The following IMMP2L variants were observed in gnomAD, a reference collection of about 807,000 sequenced individuals.
IMMP2L encodes the protein inner mitochondrial membrane peptidase subunit 2, also known as mitochondrial inner membrane protease subunit 2.
A neutral mutation model predicts 19.3 loss-of-function variants in IMMP2L; 18 were observed. The observed-to-expected ratio is 0.93, with a 90% CI of 0.64 to 1.38. The LOEUF (loss-of-function observed/expected upper bound fraction) is 1.38. Ranked by LOEUF, IMMP2L falls within the 40% of genes most tolerant of loss-of-function variation. IMMP2L has a pLI of 0.00. For missense variants in IMMP2L, 233 were observed against 218.2 expected, an observed-to-expected ratio of 1.07 and a Z score of -0.43; for synonymous variants, 76 against 73.0, an observed-to-expected ratio of 1.04 and a Z score of -0.21.
Position 111,000,903 on chromosome 7 carries a change from T to A in IMMP2L, c.240-37338A>T, listed in dbSNP as rs115228508. 9.9e-3 allele frequency among the ~76,000 whole-genome samples: 1,495 copies of A among 151,008 alleles called. 20 individuals carry two copies. Among genetic ancestry groups the A allele is most frequent in the African/African-American group, 0.033 (1,381 of 41,268 alleles). On this transcript the variant is annotated intron_variant, in intron 3 of 5. Transcript: ENST00000405709. ...TATGGTAGGCCGAAAATATGGAAAT[T>A]CCACCAATATTTTGACATTCTTGTT...
chr7:111,102,818 T>C (rs2129580508), intron 3 of IMMP2L, among the ~76,000 whole-genome samples: 1 of 151,630 alleles, frequency 6.6e-6, no homozygotes, highest in African/African-American at 2.4e-5. Context: ...TTTGCTAGGG[T>C]CATAAAAGAC....
rs570766793 is a variant in IMMP2L, at chr7:111,475,571, G to A, written c.239+11667C>T. 6.6e-5 allele frequency among the ~76,000 whole-genome samples: 10 copies of A among 152,046 alleles called. No individual in the cohort carries two copies. The East Asian group carries it at 1.2e-3, about 18-fold the overall frequency. On this transcript the variant is annotated intron_variant, in intron 3 of 5. Coordinates refer to ENST00000405709, the MANE Select transcript of IMMP2L (RefSeq NM_032549.4). ...GTATCTTTATTTAGCAAGAACCAGC[G>A]GACACTGTGTTTACCAGTGGGAAAC...
intron 3 of IMMP2L, among the ~76,000 whole-genome samples, chr7:111,426,315 G>A (rs1836068816): frequency 6.6e-6 from 1 of 150,670 alleles, no homozygotes; most frequent in African/African-American, 2.5e-5. Flanking sequence ...TATAATTTAG[G>A]TTTTGCTTAT....
intron 3 of IMMP2L, among the ~76,000 whole-genome samples, chr7:111,476,453 T>G (rs1433915211): frequency 1.3e-5 from 2 of 152,192 alleles, no homozygotes; most frequent in African/African-American, 4.8e-5. Context: ...CTATTGGCAC[T>G]GTAACAAATT....
intron 3 of IMMP2L, among the ~76,000 whole-genome samples, chr7:111,155,611 C>T (rs903225878): frequency 1.3e-5 from 2 of 151,220 alleles, no homozygotes; most frequent in African/African-American, 4.9e-5. Flanking sequence ...TATATAATTG[C>T]ACATAAATTT....
At chr7:111,474,224 A>G (rs1012034572) in intron 3 of IMMP2L, among the ~76,000 whole-genome samples, 5 of 152,092 alleles carry the variant, frequency 3.3e-5, no homozygotes, top group Non-Finnish European at 7.4e-5. Context: ...ATTGGCTATT[A>G]TACTCACTAC....
chr7:111,558,077 A>C (rs1791586161), intron 1 of IMMP2L, among the ~76,000 whole-genome samples: 1 of 152,204 alleles, frequency 6.6e-6, no homozygotes, highest in Non-Finnish European at 1.5e-5. Flanking sequence ...TATTGGACTA[A>C]GTAGACATTA....
intron 3 of IMMP2L, among the ~76,000 whole-genome samples, chr7:111,326,339 G>C (rs981401075): frequency 6.6e-6 from 1 of 151,626 alleles, no homozygotes; most frequent in African/African-American, 2.4e-5. Flanking sequence ...AAAAGTTTTT[G>C]ATCAATACCA....
At chr7:111,447,689 T>C (rs944505763) in intron 3 of IMMP2L, among the ~76,000 whole-genome samples, 4 of 150,450 alleles carry the variant, frequency 2.7e-5, no homozygotes, top group African/African-American at 7.4e-5. Context: ...AATGACAGGA[T>C]CAAATTCACA....
chr7:110,906,670 AT>A (rs1252277488), intron 4 of IMMP2L, among the ~76,000 whole-genome samples: 11 of 152,116 alleles, frequency 7.2e-5, no homozygotes, highest in Admixed American at 6.5e-4. Context: ...TGGGCAAGTT[AT>A]TTAACCACTA....
chr7:110,959,103 T>A (rs1477648555), intron 4 of IMMP2L, among the ~76,000 whole-genome samples: 6 of 151,964 alleles, frequency 3.9e-5, no homozygotes, highest in African/African-American at 1.4e-4. Context: ...AATTAATCCT[T>A]CAAGGGGTCT....
chr7:111,190,909 C>A (rs1248207268), intron 3 of IMMP2L, among the ~76,000 whole-genome samples: 1 of 152,106 alleles, frequency 6.6e-6, no homozygotes, highest in African/African-American at 2.4e-5. Flanking sequence ...ACAAATTTAA[C>A]AGTCATCTAA....
intron 2 of IMMP2L, among the ~76,000 whole-genome samples, chr7:111,502,147 A>T (rs1480177401): frequency 1.3e-5 from 2 of 152,112 alleles, no homozygotes; most frequent in African/African-American, 4.8e-5. Context: ...AATGGAAAAC[A>T]AAAAAAGGCA....
At chr7:110,946,350 C>T (rs1817249134) in intron 4 of IMMP2L, among the ~76,000 whole-genome samples, 1 of 152,128 alleles carries the variant, frequency 6.6e-6, no homozygotes, top group East Asian at 1.9e-4. Flanking sequence ...TGGTCCTCTA[C>T]AATAAAGTAT....
chr7:110,976,699 A>G (rs1028733431), intron 3 of IMMP2L, among the ~76,000 whole-genome samples: 1 of 152,012 alleles, frequency 6.6e-6, no homozygotes, highest in Non-Finnish European at 1.5e-5. Flanking sequence ...TCTGAATTTG[A>G]ACAAGCACCT....
At chr7:111,436,613 A>T (rs1011504301) in intron 3 of IMMP2L, among the ~76,000 whole-genome samples, 1 of 151,846 alleles carries the variant, frequency 6.6e-6, no homozygotes, top group Non-Finnish European at 1.5e-5. Flanking sequence ...TAACCCAAAA[A>T]TTTTTAAGCC....
chr7:111,000,835 C>T (rs1823593176), intron 3 of IMMP2L, among the ~76,000 whole-genome samples: 1 of 121,136 alleles, frequency 8.3e-6, no homozygotes, highest in African/African-American at 3.6e-5. Flanking sequence ...CAGAGCCAGA[C>T]TCCTCTGTCT....
chr7:111,227,148 T>C (rs973996549), intron 3 of IMMP2L, among the ~76,000 whole-genome samples: 1 of 152,060 alleles, frequency 6.6e-6, no homozygotes, highest in Non-Finnish European at 1.5e-5. Context: ...TTCTCTGGCA[T>C]TGGTAGCACA....
At chr7:111,421,812 T>C (rs1835586121) in intron 3 of IMMP2L, among the ~76,000 whole-genome samples, 1 of 151,830 alleles carries the variant, frequency 6.6e-6, no homozygotes, top group Non-Finnish European at 1.5e-5. Flanking sequence ...ATGTCCTGAA[T>C]GGTATTGCCT....
Sources: gnomAD v4.1 joint callset for allele counts (sites outside exome capture counted in the v4.1 genomes callset) on GRCh38, gnomAD v4.1.1 for gene constraint, MANE v1.5 for transcripts, NCBI Gene and HGNC (gene_info 2026-07-23, HGNC 2026-07-21) for gene names.